Variants in CLIP2 observed in about 807,000 individuals in gnomAD.
The protein encoded by CLIP2 is CAP-Gly domain-containing linker protein 2.
CLIP2 carries 41 observed loss-of-function variants against 111.7 expected under a neutral mutation model. The observed-to-expected ratio is 0.37, with a 90% CI of 0.29 to 0.48. CLIP2 has a LOEUF of 0.48. CLIP2 is among the 20% of genes least tolerant of loss of function. CLIP2 has a pLI of 0.99. For synonymous variants in CLIP2, 660 were observed against 644.2 expected (o/e 1.02, Z -0.37); for missense variants, 1,160 against 1,422.1 (o/e 0.82, Z 2.96).
chr7:74,362,597 G>A (rs1046846390), intron 7 of CLIP2, among the ~76,000 whole-genome samples: 14 of 140,980 alleles, frequency 9.9e-5, no homozygotes, highest in Non-Finnish European at 1.8e-4. Flanking sequence ...GTACAGTGGT[G>A]TGATCTCGGC....
intron 1 of CLIP2, among the ~76,000 whole-genome samples, chr7:74,299,710 T>C (rs1788273577): frequency 6.6e-6 from 1 of 151,964 alleles, no homozygotes; most frequent in African/African-American, 2.4e-5. Context: ...TCTTCTTTTT[T>C]TTTTTGAGAC....
intron 16 of CLIP2, among the ~76,000 whole-genome samples, chr7:74,402,343 A>AC (rs1464300862): frequency 7.0e-6 from 1 of 143,456 alleles, no homozygotes; most frequent in African/African-American, 2.6e-5. Context: ...AAAAAAAAAA[A>AC]CCAAAAAAAA....
intron 1 of CLIP2, among the ~76,000 whole-genome samples, chr7:74,308,315 G>A (rs1788550440): frequency 1.3e-5 from 2 of 152,126 alleles, no homozygotes; most frequent in East Asian, 3.9e-4. Context: ...GCCTCAGAGG[G>A]GATGCTGGCT....
At chr7:74,293,913 T>C (rs1200462110) in intron 1 of CLIP2, among the ~76,000 whole-genome samples, 1 of 150,190 alleles carries the variant, frequency 6.7e-6, no homozygotes, top group African/African-American at 2.5e-5. Context: ...GGACTCGGGC[T>C]TTTTTTTTGT....
At position 74,306,411 on chromosome 7, in the gene CLIP2, C is replaced by A. The variant is rs1311332239; in HGVS notation, c.-67-11069C>A. Among the ~76,000 whole-genome samples, 12 of 152,292 alleles carry A rather than the reference C, an allele frequency of 7.9e-5. No individual in the cohort carries two copies. The East Asian group carries it at 2.1e-3, about 27-fold the overall frequency. On this transcript the variant is annotated intron_variant, in intron 1 of 16. Coordinates refer to ENST00000223398, the MANE Select transcript of CLIP2 (RefSeq NM_003388.5). ...CAGCAGTGTCCCTGCCAAGCACCTGCCCCTCCGGGAGAGAGCCACGTCCGG... is the reference window on the plus strand; with the variant it reads ...CAGCAGTGTCCCTGCCAAGCACCTGACCCTCCGGGAGAGAGCCACGTCCGG...
At chr7:74,351,673 T>G (rs966074339) in intron 3 of CLIP2, among the ~76,000 whole-genome samples, 1 of 151,688 alleles carries the variant, frequency 6.6e-6, no homozygotes, top group African/African-American at 2.4e-5. Context: ...CCGTCTCTAC[T>G]AAAAATACAA....
chr7:74,339,050 C>CCCCTG, intron 3 of CLIP2, 46 bp downstream of exon 3: 1 of 1,540,488 alleles, frequency 6.5e-7, no homozygotes, highest in Non-Finnish European at 8.7e-7. Context: ...TCCCTTCCCT[C>CCCCTG]CCCTGCTCCG....
chr7:74,370,317 G>C (rs1297426809), intron 8 of CLIP2, among the ~76,000 whole-genome samples: 4 of 151,026 alleles, frequency 2.6e-5, no homozygotes, highest in African/African-American at 9.8e-5. Context: ...TTAGCCGGGC[G>C]TGGTGGCGGG....
chr7:74,366,350 T>A (rs565936680), intron 8 of CLIP2, among the ~76,000 whole-genome samples: 1 of 152,262 alleles, frequency 6.6e-6, no homozygotes, highest in South Asian at 2.1e-4. Flanking sequence ...GTTCACCCCT[T>A]GTCCACACTC....
Position 74,349,965 on chromosome 7 carries a change from A to G in CLIP2, c.679-3915A>G, listed in dbSNP as rs1789935171. ...CCAGAAGAGACAAATCTGTAGCGATAGGATAGAAATAGACTAAGGGTTGTC... is the reference window on the plus strand; with the variant it reads ...CCAGAAGAGACAAATCTGTAGCGATGGGATAGAAATAGACTAAGGGTTGTC... On this transcript the variant is annotated intron_variant, in intron 3 of 16. Coordinates refer to ENST00000223398, the MANE Select transcript of CLIP2 (RefSeq NM_003388.5). Among the ~76,000 whole-genome samples the G allele has an allele frequency of 2.0e-5, 3 of 151,920 alleles. No homozygotes were observed. In the South Asian group the frequency reaches 6.2e-4, roughly 31 times the overall value.
chr7:74,305,370 C>T (rs1156264348), intron 1 of CLIP2, among the ~76,000 whole-genome samples: 1 of 152,218 alleles, frequency 6.6e-6, no homozygotes, highest in African/African-American at 2.4e-5. Flanking sequence ...TCCTGCCCAC[C>T]TGTCGTTGGG....
At position 74,376,450 on chromosome 7, in the gene CLIP2, G is replaced by A. The variant is rs1554312877; in HGVS notation, c.2049G>A (p.Glu683=). The A allele has an allele frequency of 3.7e-6, 6 of 1,613,852 alleles. No homozygotes were observed. The highest frequency in any genetic ancestry group is 3.3e-5 in the Admixed American group (2 of 59,968). ...CCGCCATGCACGTGAAGGAGAAGGA[G>A]GCCCTGCGAGAGAAGCTGCAGGAGG... ...LETAMHVKEK[E]ALREKLQEAQ... Residue 683 remains glutamate, a synonymous_variant, in exon 10 of 17, where the codon GAG becomes GAA. Coordinates refer to ENST00000223398, the MANE Select transcript of CLIP2 (RefSeq NM_003388.5). The surrounding 1 kb of genome is among the most constrained non-coding windows in gnomAD (Gnocchi z 7.1).
At chr7:74,346,718 CAAAAAAAAAAAAA>C (rs1214324954) in intron 3 of CLIP2, among the ~76,000 whole-genome samples, 3 of 56,026 alleles carry the variant, frequency 5.4e-5, no homozygotes, top group South Asian at 1.3e-3. Context: ...GTAAGATTCT[CAAAAAAAAAAAAA>C]AAAAAAAAAA....
At chr7:74,336,139 C>T (rs1410862741) in intron 2 of CLIP2, among the ~76,000 whole-genome samples, 1 of 151,994 alleles carries the variant, frequency 6.6e-6, no homozygotes, top group Non-Finnish European at 1.5e-5. Flanking sequence ...GCCATCTTGG[C>T]TCACTGCAAC....
rs782180052 is a variant in CLIP2, at chr7:74,372,954, C to T, written c.1403C>T (p.Ala468Val). Reference sequence around the variant, plus strand: ...CAGACCCAGACGCAGCTGGAGCACGCGCGCATTGGGGAGCTGGAACAGAGC... The same window carrying T: ...CAGACCCAGACGCAGCTGGAGCACGTGCGCATTGGGGAGCTGGAACAGAGC... ...DLETQTQLEH[A>V]RIGELEQSLL... The change falls in exon 9 of 17, where the codon GCG becomes GTG. Residue 468 changes from alanine (A) to valine (V), a missense_variant. By Grantham distance (64) the Ala-to-Val change is moderately conservative. Transcript: ENST00000223398. 1.5e-5 allele frequency: 24 copies of T among 1,591,460 alleles called. No individual in the cohort carries two copies. Among genetic ancestry groups the T allele is most frequent in the Non-Finnish European group, 1.9e-5 (22 of 1,172,324 alleles).
At chr7:74,310,395 G>A (rs1788611595) in intron 1 of CLIP2, among the ~76,000 whole-genome samples, 2 of 150,850 alleles carry the variant, frequency 1.3e-5, no homozygotes, top group South Asian at 2.1e-4. Context: ...GGTAGCACTC[G>A]CCTTTGGTCC....
At chr7:74,359,502 C>T (rs1041299288) in intron 6 of CLIP2, among the ~76,000 whole-genome samples, 6 of 151,142 alleles carry the variant, frequency 4.0e-5, no homozygotes, top group Non-Finnish European at 7.4e-5. Flanking sequence ...TACAGGAGCC[C>T]ACCACCACGC....
At chr7:74,375,789 C>G in intron 9 of CLIP2, 98 bp from the exon 10 acceptor site, 1 of 1,041,594 alleles carries the variant, frequency 9.6e-7, no homozygotes. Flanking sequence ...CTGGTGCCCT[C>G]GAATGGACGC....
intron 15 of CLIP2, 44 bp downstream of exon 15, chr7:74,400,599 G>C (rs782445699): frequency 1.5e-5 from 23 of 1,487,368 alleles, no homozygotes; most frequent in Non-Finnish European, 2.1e-5. Context: ...AAGCCACGGG[G>C]CAGTGTCCTC....
Sources: allele counts gnomAD v4.1 joint callset (sites outside exome capture counted in the v4.1 genomes callset), GRCh38; gene constraint gnomAD v4.1.1; non-coding constraint Gnocchi (gnomAD v3.1); transcripts MANE v1.5; gene names NCBI Gene and HGNC (gene_info 2026-07-23, HGNC 2026-07-21).